The following GRM7 variants were observed in gnomAD, a reference collection of about 807,000 sequenced individuals.
GRM7 encodes glutamate metabotropic receptor 7.
GRM7 carries 35 observed loss-of-function variants against 84.5 expected under a neutral mutation model. The observed-to-expected ratio is 0.41, with a 90% CI of 0.32 to 0.55. The LOEUF is 0.55. GRM7 is among the 20% of genes least tolerant of loss of function. The pLI is 0.19. For missense variants in GRM7, 1,003 were observed against 1,194.6 expected, an observed-to-expected ratio of 0.84 and a Z score of 2.36; for synonymous variants, 487 against 455.1, an observed-to-expected ratio of 1.07 and a Z score of -0.89.
At chr3:7,721,180 A>G (rs1419099027) in intron 9 of GRM7, among the ~76,000 whole-genome samples, 3 of 152,194 alleles carry the variant, frequency 2.0e-5, no homozygotes, top group Non-Finnish European at 4.4e-5. Context: ...AGGAACAAAA[A>G]CTATCAAGAG....
chr3:7,465,218 C>T (rs551442661), intron 7 of GRM7, among the ~76,000 whole-genome samples: 49 of 152,128 alleles, frequency 3.2e-4, no homozygotes, highest in East Asian at 3.9e-4. Context: ...AAAACAGGCA[C>T]GCTCAGGTGG....
At chr3:7,676,244 G>T (rs1018495611) in intron 8 of GRM7, among the ~76,000 whole-genome samples, 1 of 152,062 alleles carries the variant, frequency 6.6e-6, no homozygotes. Context: ...TAACTTCAGT[G>T]TGAGCCTCCT....
At chr3:7,474,798 C>T (rs965805074) in intron 7 of GRM7, among the ~76,000 whole-genome samples, 10 of 130,896 alleles carry the variant, frequency 7.6e-5, no homozygotes, top group African/African-American at 2.7e-4. Flanking sequence ...GGGAATGTTT[C>T]GGGAAGATTT....
intron 1 of GRM7, among the ~76,000 whole-genome samples, chr3:7,049,160 T>C (rs1696906377): frequency 6.6e-6 from 1 of 152,008 alleles, no homozygotes; most frequent in African/African-American, 2.4e-5. Flanking sequence ...TATGCTCTCA[T>C]TGAAATAAAT....
At chr3:7,703,489 T>C (rs755079011) in intron 9 of GRM7, among the ~76,000 whole-genome samples, 8 of 152,160 alleles carry the variant, frequency 5.3e-5, no homozygotes, top group Non-Finnish European at 1.2e-4. Context: ...CTGTGGTGTT[T>C]ATTCTAGAGA....
rs181507321 is a variant in GRM7, at chr3:7,169,866, T to A, written c.736+23198T>A. Among the ~76,000 whole-genome samples the A allele has an allele frequency of 2.3e-3, 356 of 152,060 alleles. 2 individuals are homozygous for A. Among genetic ancestry groups the A allele is most frequent in the Non-Finnish European group, 4.1e-3 (280 of 67,998 alleles). On this transcript the variant is annotated intron_variant, in intron 2 of 9. Transcript: ENST00000357716. ...ATAGTTCCCATAAGAAGCTCAGGAG[T>A]CTTGTAGGGAGACAAACATTTTTAA...
chr3:7,258,053 T>A (rs1698273527), intron 2 of GRM7, among the ~76,000 whole-genome samples: 1 of 150,982 alleles, frequency 6.6e-6, no homozygotes, highest in African/African-American at 2.4e-5. Flanking sequence ...TTGCATCATA[T>A]TTTTTTTTGA....
chr3:7,651,358 A>G (rs534273764), intron 8 of GRM7, among the ~76,000 whole-genome samples: 97 of 152,278 alleles, frequency 6.4e-4, no homozygotes, highest in African/African-American at 2.1e-3. Context: ...TTGTCTATGA[A>G]CTGCCAGTTC....
At chr3:7,717,415 T>G (rs162790) in intron 9 of GRM7, among the ~76,000 whole-genome samples, 10,345 of 152,114 alleles carry the variant, frequency 0.068, 512 homozygotes, top group African/African-American at 0.13. Flanking sequence ...GTCTAGAAAA[T>G]GCTGGTATAT....
At chr3:7,422,209 T>A (rs1327936154) in intron 5 of GRM7, among the ~76,000 whole-genome samples, 1 of 152,192 alleles carries the variant, frequency 6.6e-6, no homozygotes, top group Non-Finnish European at 1.5e-5. Flanking sequence ...TTAGGCATTA[T>A]GGGTCAGGCT....
intron 1 of GRM7, among the ~76,000 whole-genome samples, chr3:6,927,345 T>C (rs971243922): frequency 6.6e-6 from 1 of 151,842 alleles, no homozygotes; most frequent in Non-Finnish European, 1.5e-5. Context: ...GGAGAAGTGC[T>C]TAAACTCAGG....
intron 1 of GRM7, among the ~76,000 whole-genome samples, chr3:7,001,897 A>G (rs1029457924): frequency 6.6e-6 from 1 of 152,222 alleles, no homozygotes; most frequent in Non-Finnish European, 1.5e-5. Flanking sequence ...ACTTCAGCCA[A>G]TGACATGTGT....
intron 7 of GRM7, among the ~76,000 whole-genome samples, chr3:7,550,557 C>G (rs1156941753): frequency 1.3e-5 from 1 of 76,504 alleles, no homozygotes; most frequent in South Asian, 3.8e-4. Flanking sequence ...TTCTCTCTCT[C>G]TCTCTCTCTC....
chr3:7,275,022 C>T (rs1009616181), intron 2 of GRM7, among the ~76,000 whole-genome samples: 5 of 152,012 alleles, frequency 3.3e-5, no homozygotes, highest in Non-Finnish European at 5.9e-5. Context: ...TTTTGGAAGT[C>T]TCTATTGAGA....
intron 2 of GRM7, among the ~76,000 whole-genome samples, chr3:7,275,327 T>G (rs1699012602): frequency 6.6e-6 from 1 of 152,170 alleles, no homozygotes; most frequent in Non-Finnish European, 1.5e-5. Context: ...TTTCTGCTTT[T>G]CAGTTTGTCT....
chr3:7,724,666 T>C (rs965949742), intron 9 of GRM7, among the ~76,000 whole-genome samples: 1 of 152,228 alleles, frequency 6.6e-6, no homozygotes, highest in Non-Finnish European at 1.5e-5. Flanking sequence ...TTTTAAGGAA[T>C]ACAAGTCAGA....
chr3:7,644,970 A>G lies in GRM7; in HGVS notation c.2452-35079A>G, dbSNP rs1234039300. 3.9e-5 allele frequency among the ~76,000 whole-genome samples: 6 copies of G among 151,978 alleles called. No individual in the cohort carries two copies. In the East Asian group the frequency reaches 1.2e-3, roughly 30 times the overall value. ...CACTGAGACTCACAGACTGCCCTTGAAGCTTCATTGACCAGGAACATCTTT... is the reference window on the plus strand; with the variant it reads ...CACTGAGACTCACAGACTGCCCTTGGAGCTTCATTGACCAGGAACATCTTT... On this transcript the variant is annotated intron_variant, in intron 8 of 9. Coordinates refer to ENST00000357716, the MANE Select transcript of GRM7 (RefSeq NM_000844.4).
At chr3:7,675,995 A>G (rs73810887) in intron 8 of GRM7, among the ~76,000 whole-genome samples, 2,954 of 151,886 alleles carry the variant, frequency 0.019, 93 homozygotes, top group African/African-American at 0.065. Context: ...GGTTCTGCAC[A>G]TCGGACTTTT....
intron 3 of GRM7, among the ~76,000 whole-genome samples, chr3:7,300,478 C>G (rs1353237063): frequency 6.6e-6 from 1 of 152,194 alleles, no homozygotes; most frequent in Non-Finnish European, 1.5e-5. Flanking sequence ...CCACTGCCTT[C>G]CAGGTTCTTT....
Sources: gnomAD v4.1 joint callset for allele counts (sites outside exome capture counted in the v4.1 genomes callset) on GRCh38, gnomAD v4.1.1 for gene constraint, MANE v1.5 for transcripts, NCBI Gene and HGNC (gene_info 2026-07-23, HGNC 2026-07-21) for gene names.